ARPC1A: variants seen among roughly 807,000 people sequenced by gnomAD.
The protein encoded by ARPC1A is actin-related protein 2/3 complex subunit 1A.
ARPC1A carries 8 observed loss-of-function variants against 46.9 expected under a neutral mutation model. That is an observed-to-expected ratio of 0.17 (90% CI 0.10 to 0.31). The LOEUF (loss-of-function observed/expected upper bound fraction) is 0.31, where lower values mean the gene tolerates loss of function less well. ARPC1A is among the 10% of genes least tolerant of loss of function. ARPC1A has a pLI of 1.00. For synonymous variants in ARPC1A, 152 were observed against 169.0 expected (o/e 0.90, Z 0.78); for missense variants, 286 against 483.6 (o/e 0.59, Z 3.83).
At chr7:99,349,990 G>A (rs182632057) in intron 5 of ARPC1A, among the ~76,000 whole-genome samples, 1 of 152,124 alleles carries the variant, frequency 6.6e-6, no homozygotes, top group African/African-American at 2.4e-5. Context: ...CAGCCTGGGC[G>A]ACAGAGTAAG....
Position 99,358,512 on chromosome 7 carries a change from G to A in ARPC1A, c.789+97G>A, listed in dbSNP as rs1562802830. On this transcript the variant is annotated intron_variant, in intron 7 of 9. Coordinates refer to ENST00000262942, the MANE Select transcript of ARPC1A (RefSeq NM_006409.4). ...TGTCACCCTAGCACAAAGCAGAACAGTTTTTTAGAAGAAACAGAGCTCACT... is the reference window on the plus strand; with the variant it reads ...TGTCACCCTAGCACAAAGCAGAACAATTTTTTAGAAGAAACAGAGCTCACT... The A allele has an allele frequency of 2.6e-5, 14 of 546,742 alleles. No homozygotes were observed. The East Asian group carries it at 4.8e-4, about 19-fold the overall frequency. 33.9% of individuals were successfully genotyped at this position (546,742 alleles called of 1,614,324 possible).
chr7:99,343,779 G>A (rs1160484191), intron 3 of ARPC1A, among the ~76,000 whole-genome samples: 2 of 152,166 alleles, frequency 1.3e-5, no homozygotes, highest in Non-Finnish European at 2.9e-5. Flanking sequence ...GTGACTTTCA[G>A]AAGAATATAT....
intron 9 of ARPC1A, among the ~76,000 whole-genome samples, 161 bp downstream of exon 9, chr7:99,363,794 C>T (rs1056647091): frequency 6.6e-6 from 1 of 152,048 alleles, no homozygotes; most frequent in Non-Finnish European, 1.5e-5. Flanking sequence ...CCCACCTCAG[C>T]CTCCCAAGCT....
At chr7:99,366,259 GTGGTTT>G (rs1257371291) in exon 10 of ARPC1A, 1 of 264,898 alleles carries the variant, frequency 3.8e-6, no homozygotes. Flanking sequence ...AGAACTGAAT[GTGGTTT>G]TGGTTTTGTT....
intron 5 of ARPC1A, 103 bp from the exon 6 acceptor site, chr7:99,353,806 A>G (rs1016671902): frequency 8.6e-7 from 1 of 1,164,362 alleles, no homozygotes; most frequent in Non-Finnish European, 1.2e-6. Flanking sequence ...TAATGAGTCA[A>G]CCTCTTTGCA....
intron 2 of ARPC1A, among the ~76,000 whole-genome samples, chr7:99,334,375 T>A (rs1033651165): frequency 1.8e-4 from 27 of 151,146 alleles, no homozygotes; most frequent in South Asian, 6.3e-4. Flanking sequence ...AAAAAAAAAA[T>A]AATAACAATA....
intron 7 of ARPC1A, chr7:99,358,700 C>G (rs1793685054): frequency 3.1e-6 from 1 of 325,614 alleles, no homozygotes; most frequent in African/African-American, 2.2e-5. Context: ...GCCACCATAC[C>G]TGGCTAATTT....
At chr7:99,330,995 G>T (rs373854333) in intron 1 of ARPC1A, among the ~76,000 whole-genome samples, 7 of 152,278 alleles carry the variant, frequency 4.6e-5, no homozygotes, top group African/African-American at 1.7e-4. Context: ...TTTTCATTTA[G>T]TTACAATTAA....
intron 8 of ARPC1A, among the ~76,000 whole-genome samples, chr7:99,360,940 CAAAAAAAAAA>C (rs34464636): frequency 1.2e-5 from 1 of 80,196 alleles, no homozygotes; most frequent in Non-Finnish European, 2.8e-5. Flanking sequence ...GACTCCGTCT[CAAAAAAAAAA>C]AAAAAAAAAG....
intron 1 of ARPC1A, among the ~76,000 whole-genome samples, chr7:99,329,835 G>A (rs1246484377): frequency 1.3e-5 from 2 of 152,122 alleles, no homozygotes; most frequent in Admixed American, 6.6e-5. Flanking sequence ...TTTATGGCAC[G>A]TAGATATTCA....
intron 7 of ARPC1A, 120 bp downstream of exon 7, chr7:99,358,535 A>ATTTTTTT: frequency 1.9e-6 from 1 of 516,460 alleles, no homozygotes; most frequent in Non-Finnish European, 3.0e-6. Flanking sequence ...AACAGAGCTC[A>ATTTTTTT]CTTTTTTTTT....
At chr7:99,338,577 G>A (rs1459065690) in intron 3 of ARPC1A, among the ~76,000 whole-genome samples, 2 of 151,536 alleles carry the variant, frequency 1.3e-5, no homozygotes, top group African/African-American at 4.9e-5. Flanking sequence ...AGTAGAGATA[G>A]GTTTCACCAT....
chr7:99,340,082 TTCCTTGTGACTG>T, intron 3 of ARPC1A: 1 of 446,032 alleles, frequency 2.2e-6, no homozygotes, highest in South Asian at 1.6e-5. Flanking sequence ...AGAGTTTTTC[TTCCTTGTGACTG>T]TCCTGTTCAT....
At chr7:99,345,455 A>G (rs967306824) in intron 4 of ARPC1A, among the ~76,000 whole-genome samples, 2 of 152,050 alleles carry the variant, frequency 1.3e-5, no homozygotes, top group South Asian at 2.1e-4. Context: ...TAAGGAAACA[A>G]TTATTCTCCA....
intron 5 of ARPC1A, 138 bp from the exon 6 acceptor site, chr7:99,353,771 G>C: frequency 4.8e-6 from 4 of 841,152 alleles, no homozygotes; most frequent in Non-Finnish European, 7.2e-6. Context: ...GAGCCACCGT[G>C]CCCAGCTCAT....
At position 99,348,879 on chromosome 7, in the gene ARPC1A, G is replaced by T. The variant is rs372101437; in HGVS notation, c.420G>T (p.Pro140=). The change falls in exon 5 of 10, where the codon CCG becomes CCT. Residue 140 remains proline (P), a synonymous_variant. Coordinates refer to ENST00000262942, the MANE Select transcript of ARPC1A (RefSeq NM_006409.4). The part of the protein sequence containing the change: ...DWWVSKHIKK[P]IRSTVLSLDW... ...GGGTGAGCAAGCACATTAAAAAGCCGATTCGCTCCACAGTCCTCAGCTTGG... is the reference window on the plus strand; with the variant it reads ...GGGTGAGCAAGCACATTAAAAAGCCTATTCGCTCCACAGTCCTCAGCTTGG... 6 of 1,613,858 alleles carry T rather than the reference G, an allele frequency of 3.7e-6. No homozygotes were observed. The highest frequency in any genetic ancestry group is 5.1e-6 in the Non-Finnish European group (6 of 1,179,856).
intron 3 of ARPC1A, 92 bp downstream of exon 3, chr7:99,338,377 AATTTT>A: frequency 1.6e-6 from 1 of 612,568 alleles, no homozygotes; most frequent in Non-Finnish European, 2.3e-6. Context: ...AGGTGGCCAT[AATTTT>A]TTTTTTTTTT....
intron 3 of ARPC1A, chr7:99,340,123 C>T: frequency 2.4e-6 from 1 of 411,496 alleles, no homozygotes; most frequent in Non-Finnish European, 5.0e-6. Context: ...ATCATTTTTT[C>T]ATTGAGTTTT....
At chr7:99,327,092 A>G (rs1793059630) in intron 1 of ARPC1A, among the ~76,000 whole-genome samples, 1 of 152,106 alleles carries the variant, frequency 6.6e-6, no homozygotes, top group African/African-American at 2.4e-5. Flanking sequence ...GGTTTCACAT[A>G]GGGCCTGGGT....
Sources: gnomAD v4.1 joint callset for allele counts (sites outside exome capture counted in the v4.1 genomes callset) on GRCh38, gnomAD v4.1.1 for gene constraint, MANE v1.5 for transcripts, NCBI Gene and HGNC (gene_info 2026-07-23, HGNC 2026-07-21) for gene names.